The following CAMK4 variants were observed in gnomAD, a reference collection of about 807,000 sequenced individuals.
CAMK4 encodes the protein calcium/calmodulin dependent protein kinase IV, also known as calcium/calmodulin-dependent protein kinase type IV.
CAMK4 carries 22 observed loss-of-function variants against 44.9 expected under a neutral mutation model. The ratio of observed to expected loss-of-function variants is 0.49; its 90% confidence interval spans 0.35 to 0.70. The LOEUF (loss-of-function observed/expected upper bound fraction) is 0.70. CAMK4 is among the 30% of genes least tolerant of loss of function. CAMK4 has a pLI of 0.01. For synonymous variants in CAMK4, 218 were observed against 215.4 expected (o/e 1.01, Z -0.11); for missense variants, 498 against 586.8 (o/e 0.85, Z 1.56).
intron 1 of CAMK4, among the ~76,000 whole-genome samples, chr5:111,254,073 A>C (rs1240981371): frequency 1.3e-5 from 2 of 152,242 alleles, no homozygotes; most frequent in Non-Finnish European, 2.9e-5. Context: ...TTTATGAAAA[A>C]TAGAAGCTCA....
intron 5 of CAMK4, among the ~76,000 whole-genome samples, chr5:111,439,792 A>G (rs1753764401): frequency 6.6e-6 from 1 of 152,160 alleles, no homozygotes; most frequent in Non-Finnish European, 1.5e-5. Context: ...GAAGACCTGG[A>G]GCCAGGGAAG....
intron 1 of CAMK4, among the ~76,000 whole-genome samples, chr5:111,301,714 C>G (rs2112647889): frequency 6.6e-6 from 1 of 152,332 alleles, no homozygotes; most frequent in East Asian, 1.9e-4. Context: ...ATACCCTCCC[C>G]CACTATCATT....
At chr5:111,298,855 C>G (rs1215612518) in intron 1 of CAMK4, among the ~76,000 whole-genome samples, 1 of 152,236 alleles carries the variant, frequency 6.6e-6, no homozygotes, top group East Asian at 1.9e-4. Context: ...AATGTTGTAC[C>G]TTTATCCCTG....
At position 111,394,022 on chromosome 5, in the gene CAMK4, C is replaced by G. The variant is rs1297277128; in HGVS notation, c.387-688C>G. Among the ~76,000 whole-genome samples, 6 of 149,240 alleles carry G rather than the reference C, an allele frequency of 4.0e-5. No homozygotes were observed. In the East Asian group the frequency reaches 1.2e-3, roughly 29 times the overall value. On this transcript the variant is annotated intron_variant, in intron 4 of 10. Coordinates refer to ENST00000282356, the MANE Select transcript of CAMK4 (RefSeq NM_001744.6). ...GATGGAAAAAGAGAAAGAGGGTTGG[C>G]GGGGGGAAGAGAGAGAGAGAGGGAG...
chr5:111,487,073 T>C lies in CAMK4; in HGVS notation c.*2607T>C, dbSNP rs1294475674. 1 of 152,216 alleles carries C rather than the reference T, an allele frequency of 6.6e-6. No individual in the cohort carries two copies. Among genetic ancestry groups the C allele is most frequent in the Non-Finnish European group, 1.5e-5 (1 of 68,022 alleles). 9.4% of individuals were successfully genotyped at this position (152,216 alleles called of 1,614,324 possible). A position where few individuals can be genotyped will look rare whatever the true frequency, so the allele number is the denominator to read the frequency against. ...TTTTTGAAAGAACAGCCAATGTTTATATTGCTTGTTAAAATGGAATGTATT... is the reference window on the plus strand; with the variant it reads ...TTTTTGAAAGAACAGCCAATGTTTACATTGCTTGTTAAAATGGAATGTATT... On this transcript the variant is annotated 3_prime_UTR_variant, in exon 11 of 11. Coordinates refer to ENST00000282356, the MANE Select transcript of CAMK4 (RefSeq NM_001744.6).
chr5:111,410,975 T>C (rs1303195455), intron 5 of CAMK4, among the ~76,000 whole-genome samples: 1 of 152,176 alleles, frequency 6.6e-6, no homozygotes, highest in Non-Finnish European at 1.5e-5. Context: ...TACCTCCTGG[T>C]GCTTCATTTT....
intron 1 of CAMK4, among the ~76,000 whole-genome samples, chr5:111,291,684 A>AT (rs1360090427): frequency 4.0e-5 from 6 of 151,720 alleles, no homozygotes; most frequent in South Asian, 4.2e-4. Context: ...CTAATTTTTA[A>AT]TTTTTTTTGT....
chr5:111,450,228 G>A (rs1754178521), intron 7 of CAMK4, among the ~76,000 whole-genome samples: 1 of 152,148 alleles, frequency 6.6e-6, no homozygotes, highest in Admixed American at 6.5e-5. Context: ...TAGCTCCTCA[G>A]GAAGCTGAGA....
chr5:111,415,163 A>C (rs895383452), intron 5 of CAMK4, among the ~76,000 whole-genome samples: 1 of 152,206 alleles, frequency 6.6e-6, no homozygotes. Context: ...CTGGAAATAA[A>C]CGATTCATAA....
intron 2 of CAMK4, chr5:111,365,257 C>T (rs1750749148): frequency 1.3e-5 from 2 of 152,000 alleles, no homozygotes; most frequent in Admixed American, 6.6e-5. Context: ...CAAGTAGGAG[C>T]TTTAAAGATA....
At chr5:111,458,092 G>A (rs1343674554) in intron 7 of CAMK4, among the ~76,000 whole-genome samples, 2 of 152,134 alleles carry the variant, frequency 1.3e-5, no homozygotes, top group African/African-American at 4.8e-5. Flanking sequence ...GGTGTGGAGG[G>A]TACCCCATAT....
chr5:111,386,221 G>A (rs960036744), intron 4 of CAMK4, among the ~76,000 whole-genome samples: 3 of 152,184 alleles, frequency 2.0e-5, no homozygotes, highest in Admixed American at 6.5e-5. Context: ...GATTTACACA[G>A]AGTACAGCAG....
intron 7 of CAMK4, chr5:111,449,530 T>G: frequency 1.2e-5 from 2 of 171,500 alleles, no homozygotes; most frequent in Non-Finnish European, 2.5e-5. Flanking sequence ...CCATGGGCCC[T>G]TTGTCACTTT....
intron 4 of CAMK4, among the ~76,000 whole-genome samples, chr5:111,391,502 G>A (rs1385364894): frequency 6.6e-6 from 1 of 151,818 alleles, no homozygotes; most frequent in East Asian, 1.9e-4. Context: ...GGCAGTGAAA[G>A]CATGTCAGGA....
At position 111,344,054 on chromosome 5, in the gene CAMK4, A is replaced by C. The variant is rs753181636; in HGVS notation, c.192A>C (p.Lys64Asn). 6.2e-7 allele frequency: 1 copy of C among 1,607,962 alleles called. No individual in the cohort carries two copies. The highest frequency in any genetic ancestry group is 1.1e-5 in the South Asian group (1 of 90,896). ...CTACATCCATTGTGTACAGATGCAA[A>C]CAGAAGGGGACCCAGAAGCCTTATG... is the stretch of plus-strand genomic sequence containing the variant. ...RGATSIVYRC[K>N]QKGTQKPYAL... is the part of the protein sequence containing the mutation. The change falls in exon 2 of 11, where the codon AAA (lysine) becomes AAC (asparagine). Residue 64 changes from lysine to asparagine, a missense_variant. Coordinates refer to ENST00000282356, the MANE Select transcript of CAMK4 (RefSeq NM_001744.6).
intron 7 of CAMK4, among the ~76,000 whole-genome samples, chr5:111,463,206 G>C (rs59847085): frequency 0.012 from 1,845 of 152,120 alleles, 36 homozygotes; most frequent in African/African-American, 0.042. Flanking sequence ...ATCAATAAAT[G>C]ATTATTTACT....
At chr5:111,456,487 T>C (rs1754421715) in intron 7 of CAMK4, among the ~76,000 whole-genome samples, 1 of 108,946 alleles carries the variant, frequency 9.2e-6, no homozygotes, top group African/African-American at 2.8e-5. Context: ...CGAGACTCCA[T>C]CTCAAAAAAT....
At chr5:111,463,588 T>C (rs1188807576) in intron 7 of CAMK4, among the ~76,000 whole-genome samples, 1 of 152,200 alleles carries the variant, frequency 6.6e-6, no homozygotes, top group Non-Finnish European at 1.5e-5. Flanking sequence ...ACAGAGTCCA[T>C]TTCACTTTCC....
rs1169823885 is a variant in CAMK4, at chr5:111,489,308, G to A, written c.*4842G>A. 1 of 152,080 alleles carries A rather than the reference G, an allele frequency of 6.6e-6. No homozygotes were observed. Among genetic ancestry groups the A allele is most frequent in the Non-Finnish European group, 1.5e-5 (1 of 68,016 alleles). The allele number at this position is 152,080 out of a possible 1,614,324, so 9.4% of individuals were successfully genotyped here. ...TCAGCAAACCACCCACAGTAACCAA[G>A]TTCAGTATTTCCTCTTTCTATATTT... On this transcript the variant is annotated 3_prime_UTR_variant, in exon 11 of 11. Coordinates refer to ENST00000282356, the MANE Select transcript of CAMK4 (RefSeq NM_001744.6).
Sources: allele counts gnomAD v4.1 joint callset (sites outside exome capture counted in the v4.1 genomes callset), GRCh38; gene constraint gnomAD v4.1.1; transcripts MANE v1.5; gene names NCBI Gene and HGNC (gene_info 2026-07-23, HGNC 2026-07-21).